The following ZNF420 variants were observed in gnomAD, a reference collection of about 807,000 sequenced individuals.
ZNF420 encodes the protein zinc finger protein 420, also known as ATM and p53-associated KZNF protein.
Under a neutral mutation model 44.7 loss-of-function variants are expected in ZNF420, and 31 were observed. The ratio of observed to expected loss-of-function variants is 0.69; its 90% CI spans 0.52 to 0.94. The LOEUF is 0.94. Among genes scored for constraint, ZNF420 ranks in the 40% least tolerant of loss-of-function variants. The pLI is 0.00. For synonymous variants in ZNF420, 245 were observed against 267.4 expected (o/e 0.92, Z 0.82); for missense variants, 681 against 827.9 (o/e 0.82, Z 2.18).
At chr19:37,049,447 T>C (rs1158847785) in intron 1 of ZNF420, among the ~76,000 whole-genome samples, 2 of 152,252 alleles carry the variant, frequency 1.3e-5, no homozygotes, top group Non-Finnish European at 2.9e-5. Context: ...GGTTTTGATT[T>C]GCATTTCTCT....
chr19:37,102,912 T>C (rs984003330), intron 4 of ZNF420, among the ~76,000 whole-genome samples: 1 of 152,222 alleles, frequency 6.6e-6, no homozygotes, highest in African/African-American at 2.4e-5. Flanking sequence ...GTATTATTTA[T>C]GGATATTTTC....
chr19:37,117,706 AG>A (rs1341572055), intron 4 of ZNF420, among the ~76,000 whole-genome samples: 1 of 110,250 alleles, frequency 9.1e-6, no homozygotes, highest in Non-Finnish European at 2.0e-5. Context: ...CCAATGGCAA[AG>A]AAGTTAAAAA....
chr19:37,078,097 C>G (rs117010404), upstream of ZNF420: 94 of 153,280 alleles, frequency 6.1e-4, 1 homozygote, highest in East Asian at 0.016. Context: ...CTCCCCCGCA[C>G]CTGCCTGGCC....
chr19:37,059,303 G>A (rs1189243612), intron 1 of ZNF420, among the ~76,000 whole-genome samples: 1 of 152,290 alleles, frequency 6.6e-6, no homozygotes, highest in African/African-American at 2.4e-5. Flanking sequence ...CAGCCGCGCC[G>A]CCGCCATTGT....
chr19:37,093,162 GA>G (rs1288408787), intron 4 of ZNF420: 2 of 152,058 alleles, frequency 1.3e-5, no homozygotes, highest in African/African-American at 4.8e-5. Flanking sequence ...ACTGGCAAGA[GA>G]GGGGGCAAGA....
chr19:37,130,134 G>A lies in ZNF420; in HGVS notation c.*1076G>A. The A allele has an allele frequency of 6.5e-7, 1 of 1,550,282 alleles. No homozygotes were observed. The highest frequency in any genetic ancestry group is 8.7e-7 in the Non-Finnish European group (1 of 1,146,918). On this transcript the variant is annotated 3_prime_UTR_variant, in exon 5 of 5. Transcript: ENST00000337995. ...TCTTTTTTTCCGTGCCTACAATGTG[G>A]ACATCTAAGCTGGAGCTCCGTTACT... is the stretch of plus-strand genomic sequence containing the variant.
intron 1 of ZNF420, among the ~76,000 whole-genome samples, chr19:37,021,358 C>T (rs368437786): frequency 1.2e-3 from 184 of 152,262 alleles, no homozygotes; most frequent in African/African-American, 4.3e-3. Flanking sequence ...ACTTCTGCCT[C>T]CTGGGCTCAA....
At chr19:37,019,901 A>G in intron 1 of ZNF420, among the ~76,000 whole-genome samples, 1 of 152,016 alleles carries the variant, frequency 6.6e-6, no homozygotes, top group Non-Finnish European at 1.5e-5. Flanking sequence ...GAGCATCGCC[A>G]TCTTGGACAA....
chr19:37,019,987 G>C (rs2074635417), intron 1 of ZNF420, among the ~76,000 whole-genome samples: 1 of 152,030 alleles, frequency 6.6e-6, no homozygotes, highest in East Asian at 1.9e-4. Flanking sequence ...GGAGGCTGAG[G>C]AGGGCGGATC....
intron 1 of ZNF420, among the ~76,000 whole-genome samples, chr19:37,079,419 C>G (rs1198231802): frequency 6.6e-6 from 1 of 152,144 alleles, no homozygotes; most frequent in Non-Finnish European, 1.5e-5. Flanking sequence ...CTCTGTGCTC[C>G]TCCCATGTGG....
intron 4 of ZNF420, among the ~76,000 whole-genome samples, chr19:37,103,478 A>AGTT (rs373270800): frequency 7.2e-5 from 11 of 152,086 alleles, no homozygotes; most frequent in African/African-American, 2.7e-4. Context: ...TTAGGAGCTA[A>AGTT]GTTGTTGGTT....
At chr19:37,030,787 G>A (rs1967243818) in intron 1 of ZNF420, among the ~76,000 whole-genome samples, 1 of 152,134 alleles carries the variant, frequency 6.6e-6, no homozygotes, top group African/African-American at 2.4e-5. Context: ...TACCTAGGGA[G>A]GGTCATCGTT....
intron 1 of ZNF420, among the ~76,000 whole-genome samples, chr19:37,039,653 G>C (rs947394365): frequency 6.6e-6 from 1 of 151,984 alleles, no homozygotes; most frequent in Non-Finnish European, 1.5e-5. Flanking sequence ...TCACAAATCA[G>C]CACTGGCTTT....
At chr19:37,036,528 T>C (rs1967357807) in intron 1 of ZNF420, among the ~76,000 whole-genome samples, 1 of 152,210 alleles carries the variant, frequency 6.6e-6, no homozygotes, top group Non-Finnish European at 1.5e-5. Context: ...GATCCAGCCC[T>C]CCACCCCTTC....
rs1290886055 is a variant in ZNF420, at chr19:37,129,044, C to T, written c.2053C>T (p.Gln685Ter). ...ECGIDFSHGS[Q>*]VYM ...TGGGATTGACTTTAGTCATGGCTCA[C>T]AAGTTTACATGTGAATTGTCTGATT... is the stretch of plus-strand genomic sequence containing the variant. Residue 685 changes from glutamine to a stop codon, truncating the protein, a stop_gained, in exon 5 of 5, where the codon CAA (glutamine) becomes TAA (stop). Transcript: ENST00000337995. LOFTEE classifies it high-confidence loss of function. 2.5e-6 allele frequency: 4 copies of T among 1,610,422 alleles called. No individual in the cohort carries two copies. Among genetic ancestry groups the T allele is most frequent in the Non-Finnish European group, 3.4e-6 (4 of 1,177,284 alleles).
At chr19:37,107,746 G>A (rs533636227) in intron 4 of ZNF420, 1 of 152,516 alleles carries the variant, frequency 6.6e-6, no homozygotes, top group South Asian at 2.1e-4. Context: ...ATTTACAATA[G>A]TAGAACTTCC....
chr19:37,011,699 C>T (rs967871622), intron 1 of ZNF420, among the ~76,000 whole-genome samples: 3 of 152,136 alleles, frequency 2.0e-5, no homozygotes, highest in South Asian at 2.1e-4. Flanking sequence ...ACCTGTGCCC[C>T]CCTTCCACCA....
At chr19:37,121,846 A>G (rs1039667154) in intron 4 of ZNF420, among the ~76,000 whole-genome samples, 3 of 152,268 alleles carry the variant, frequency 2.0e-5, no homozygotes, top group African/African-American at 7.2e-5. Context: ...ACATTTATGC[A>G]GCCAAAAAAC....
chr19:37,103,125 C>G (rs1969871957), intron 4 of ZNF420, among the ~76,000 whole-genome samples: 1 of 151,940 alleles, frequency 6.6e-6, no homozygotes, highest in African/African-American at 2.4e-5. Context: ...GTAAATTTCC[C>G]TGGGTACAAT....
Sources: gnomAD v4.1 joint callset for allele counts (sites outside exome capture counted in the v4.1 genomes callset) on GRCh38, gnomAD v4.1.1 for gene constraint, MANE v1.5 for transcripts, NCBI Gene and HGNC (gene_info 2026-07-23, HGNC 2026-07-21) for gene names.